Variants in SH3BGR observed in about 807,000 individuals in gnomAD.
SH3BGR encodes SH3 domain-binding glutamic acid-rich protein.
Under a neutral mutation model 24.5 loss-of-function variants are expected in SH3BGR, and 29 were observed. The ratio of observed to expected loss-of-function variants is 1.18; its 90% CI spans 0.88 to 1.61. SH3BGR has a LOEUF of 1.61. SH3BGR is among the 40% of genes most tolerant of loss of function. The pLI, the probability that SH3BGR is intolerant of heterozygous loss-of-function variation, is 0.00. For synonymous variants in SH3BGR, 55 were observed against 65.7 expected (o/e 0.84, Z 0.79); for missense variants, 162 against 205.8 (o/e 0.79, Z 1.30).
At chr21:39,462,079 C>T (rs144837558) in intron 1 of SH3BGR, among the ~76,000 whole-genome samples, 1,928 of 152,188 alleles carry the variant, frequency 0.013, 20 homozygotes, top group Middle Eastern at 0.024. Context: ...GAACCTCTGA[C>T]CTCAAGCGAT....
At chr21:39,485,619 A>G (rs982699502) in intron 3 of SH3BGR, among the ~76,000 whole-genome samples, 5 of 151,374 alleles carry the variant, frequency 3.3e-5, no homozygotes, top group Non-Finnish European at 5.9e-5. Flanking sequence ...TAATGAACCC[A>G]TCTGCTTCTC....
intron 1 of SH3BGR, among the ~76,000 whole-genome samples, chr21:39,460,961 CTCT>C (rs1160018240): frequency 6.6e-6 from 1 of 151,938 alleles, no homozygotes; most frequent in Non-Finnish European, 1.5e-5. Flanking sequence ...CCTCTTTTTT[CTCT>C]TCTTTCCCTT....
chr21:39,500,789 A>C (rs1470415435), intron 4 of SH3BGR, among the ~76,000 whole-genome samples: 1 of 152,042 alleles, frequency 6.6e-6, no homozygotes, highest in Non-Finnish European at 1.5e-5. Flanking sequence ...CACCAGATAG[A>C]ATGTGGCTAG....
chr21:39,462,592 G>C, intron 2 of SH3BGR, 32 bp downstream of exon 2: 1 of 1,419,408 alleles, frequency 7.0e-7, no homozygotes, highest in South Asian at 1.5e-5. Flanking sequence ...AAATCCTGCT[G>C]TGTGTGTGTT....
At chr21:39,508,964 G>A (rs766496960) in intron 4 of SH3BGR, 34 bp from the exon 5 acceptor site, 1 of 1,551,906 alleles carries the variant, frequency 6.4e-7, no homozygotes, top group Admixed American at 1.8e-5. Flanking sequence ...CTTGAATTAT[G>A]TTTTTTTCTT....
intron 4 of SH3BGR, among the ~76,000 whole-genome samples, chr21:39,504,357 C>T (rs370115675): frequency 2.0e-5 from 3 of 152,288 alleles, no homozygotes; most frequent in Admixed American, 1.3e-4. Context: ...CATCTCTAGC[C>T]GCTCTGAGGC....
Position 39,515,192 on chromosome 21 carries a change from G to T in SH3BGR, c.*139G>T. ...ACACCCAGGGTTACTGAGGACTTAT[G>T]CTGCCTGACCTGGTTAGATGTACAT... On this transcript the variant is annotated 3_prime_UTR_variant, in exon 7 of 7. Transcript: ENST00000333634. The T allele has an allele frequency of 2.1e-6, 1 of 466,444 alleles. No homozygotes were observed. The highest frequency in any genetic ancestry group is 4.4e-6 in the Non-Finnish European group (1 of 225,072). 28.9% of individuals were successfully genotyped at this position (466,444 alleles called of 1,614,324 possible).
chr21:39,486,837 TC>T (rs1327151793), intron 3 of SH3BGR, among the ~76,000 whole-genome samples: 1 of 152,160 alleles, frequency 6.6e-6, no homozygotes, highest in East Asian at 1.9e-4. Flanking sequence ...TGCGTCAGCC[TC>T]CCAAGTAGCT....
chr21:39,504,813 G>T (rs186761589), intron 4 of SH3BGR, among the ~76,000 whole-genome samples: 9 of 152,222 alleles, frequency 5.9e-5, no homozygotes, highest in African/African-American at 2.2e-4. Flanking sequence ...AACCAAGGTT[G>T]GAAGCTTAAT....
At chr21:39,468,432 C>T (rs1280376101) in intron 2 of SH3BGR, among the ~76,000 whole-genome samples, 1 of 152,184 alleles carries the variant, frequency 6.6e-6, no homozygotes, top group East Asian at 1.9e-4. Context: ...ATCCCTTCCC[C>T]TCTGCACCAG....
intron 4 of SH3BGR, 55 bp downstream of exon 4, chr21:39,499,970 T>C: frequency 8.0e-7 from 1 of 1,254,266 alleles, no homozygotes; most frequent in Admixed American, 1.7e-5. Flanking sequence ...GTTCGAGACT[T>C]TTACAGGGCT....
intron 4 of SH3BGR, among the ~76,000 whole-genome samples, chr21:39,500,370 G>A (rs1463105417): frequency 2.0e-5 from 3 of 152,190 alleles, no homozygotes; most frequent in Admixed American, 2.0e-4. Context: ...CCTTGGGGAG[G>A]GAAATTGACA....
intron 3 of SH3BGR, among the ~76,000 whole-genome samples, chr21:39,479,925 T>C (rs2078104881): frequency 6.6e-6 from 1 of 152,204 alleles, no homozygotes; most frequent in Admixed American, 6.5e-5. Context: ...GAATTTATCC[T>C]TTTCTTTTTA....
chr21:39,471,499 C>T (rs968674843), intron 2 of SH3BGR, among the ~76,000 whole-genome samples: 2 of 152,208 alleles, frequency 1.3e-5, no homozygotes, highest in African/African-American at 2.4e-5. Context: ...ATTTGCTTCT[C>T]CAAGAGCTCC....
intron 4 of SH3BGR, among the ~76,000 whole-genome samples, chr21:39,505,134 T>C (rs537445767): frequency 2.2e-4 from 33 of 152,284 alleles, no homozygotes; most frequent in African/African-American, 7.5e-4. Flanking sequence ...AACTAATATA[T>C]CCCACCTCAT....
upstream of SH3BGR, among the ~76,000 whole-genome samples, chr21:39,450,550 C>T (rs796107664): frequency 2.0e-5 from 3 of 152,048 alleles, no homozygotes; most frequent in Non-Finnish European, 4.4e-5. Flanking sequence ...TTCGGAACGT[C>T]GGTGCCACCC....
At chr21:39,463,186 TTTTCAC>T (rs1341113790) in intron 2 of SH3BGR, among the ~76,000 whole-genome samples, 6 of 152,282 alleles carry the variant, frequency 3.9e-5, no homozygotes, top group African/African-American at 1.4e-4. Flanking sequence ...GCCCAGCAAG[TTTTCAC>T]TTTTATAAAA....
chr21:39,475,361 A>G, intron 3 of SH3BGR, 146 bp downstream of exon 3: 1 of 490,748 alleles, frequency 2.0e-6, no homozygotes, highest in East Asian at 3.0e-5. Context: ...AGTCCTATGC[A>G]TAGAGAGAAT....
intron 2 of SH3BGR, among the ~76,000 whole-genome samples, chr21:39,465,783 G>T (rs755760392): frequency 6.6e-6 from 1 of 151,990 alleles, no homozygotes; most frequent in Non-Finnish European, 1.5e-5. Flanking sequence ...GTAGAGATAG[G>T]GTCTCACTGT....
Sources: gnomAD v4.1 joint callset for allele counts (sites outside exome capture counted in the v4.1 genomes callset) on GRCh38, gnomAD v4.1.1 for gene constraint, MANE v1.5 for transcripts, NCBI Gene and HGNC (gene_info 2026-07-23, HGNC 2026-07-21) for gene names.